The following KCNIP4 variants were observed in gnomAD, a reference collection of about 807,000 sequenced individuals.
KCNIP4 encodes potassium voltage-gated channel interacting protein 4, also known as Kv channel-interacting protein 4.
A neutral mutation model predicts 34.0 loss-of-function variants in KCNIP4; 12 were observed. The observed-to-expected ratio is 0.35, with a 90% CI of 0.23 to 0.57. KCNIP4 has a LOEUF of 0.57. KCNIP4 is among the 20% of genes least tolerant of loss of function. The probability of loss-of-function intolerance (pLI) is 0.83; values close to 1 mark genes in which losing one functional copy is unlikely to be tolerated. For missense variants in KCNIP4, 238 were observed against 311.7 expected (o/e 0.76, Z 1.78); for synonymous variants, 124 against 102.2 (o/e 1.21, Z -1.29).
chr4:21,618,630 C>CTTTTTTTTT (rs58967707), intron 1 of KCNIP4, among the ~76,000 whole-genome samples: 6 of 81,782 alleles, frequency 7.3e-5, no homozygotes, highest in Non-Finnish European at 9.0e-5. Context: ...TTTTCTTTTT[C>CTTTTTTTTT]TTTTTTTTTT....
chr4:21,611,353 C>T (rs940010576), intron 1 of KCNIP4, among the ~76,000 whole-genome samples: 2 of 151,918 alleles, frequency 1.3e-5, no homozygotes, highest in African/African-American at 4.8e-5. Context: ...GAGAAGAGCC[C>T]CTTATAAAAC....
intron 1 of KCNIP4, among the ~76,000 whole-genome samples, chr4:21,333,562 A>G (rs755854196): frequency 1.4e-4 from 22 of 152,034 alleles, no homozygotes; most frequent in Middle Eastern, 3.2e-3. Context: ...TTTTAATGTA[A>G]GTTCCTGAAT....
intron 1 of KCNIP4, among the ~76,000 whole-genome samples, chr4:21,507,523 C>T (rs934949362): frequency 6.6e-5 from 10 of 152,060 alleles, no homozygotes; most frequent in Admixed American, 1.3e-4. Flanking sequence ...TCCCAAAGTG[C>T]TAGAATTACA....
chr4:21,652,676 C>G (rs1401472191), intron 1 of KCNIP4, among the ~76,000 whole-genome samples: 1 of 152,112 alleles, frequency 6.6e-6, no homozygotes, highest in East Asian at 1.9e-4. Context: ...TTAAATGTAG[C>G]CTGGTACATG....
At chr4:20,951,576 C>T (rs1163385451) in intron 1 of KCNIP4, among the ~76,000 whole-genome samples, 1 of 152,168 alleles carries the variant, frequency 6.6e-6, no homozygotes, top group Non-Finnish European at 1.5e-5. Context: ...TCCCCCTCCC[C>T]ACACACTCCC....
At chr4:21,540,829 A>G (rs1481862841) in intron 1 of KCNIP4, among the ~76,000 whole-genome samples, 3 of 152,068 alleles carry the variant, frequency 2.0e-5, no homozygotes, top group Non-Finnish European at 4.4e-5. Flanking sequence ...TTTTGAGGCC[A>G]CATGATCTAT....
intron 1 of KCNIP4, among the ~76,000 whole-genome samples, chr4:21,664,819 T>G (rs1414343941): frequency 6.6e-6 from 1 of 152,262 alleles, no homozygotes. Context: ...TGAAGACTTT[T>G]GTGCATTGCA....
chr4:21,329,035 T>C (rs1035954427), intron 1 of KCNIP4, among the ~76,000 whole-genome samples: 1 of 152,396 alleles, frequency 6.6e-6, no homozygotes, highest in Non-Finnish European at 1.5e-5. Context: ...AAAGTATCTT[T>C]GCCTTCTTTG....
chr4:21,897,232 A>G (rs537581018), intron 1 of KCNIP4, among the ~76,000 whole-genome samples: 2 of 149,948 alleles, frequency 1.3e-5, no homozygotes, highest in South Asian at 4.2e-4. Context: ...CTATAGAAAT[A>G]GAGATTTGAG....
Position 20,850,543 on chromosome 4 carries a change from A to T in KCNIP4, c.288T>A (p.Asn96Lys). 1 of 1,611,530 alleles carries T rather than the reference A, an allele frequency of 6.2e-7. No homozygotes were observed. The highest frequency in any genetic ancestry group is 8.5e-7 in the Non-Finnish European group (1 of 1,179,040). The change falls in exon 3 of 9, where the codon AAT becomes AAA. Residue 96 changes from asparagine to lysine, a missense_variant and splice_region_variant. Physicochemically the swap from Asn to Lys is moderately conservative, Grantham distance 94. Coordinates refer to ENST00000382152, the MANE Select transcript of KCNIP4 (RefSeq NM_025221.6). ...ELQILYRGFKNECPSGVVNEE... is the reference protein window; with the variant it reads ...ELQILYRGFKKECPSGVVNEE... ...GTAAAGTCAAAAAGAAAGTTCTTACATTCTTAAATCCTCTGTAAAGGATCT... is the reference window on the plus strand; with the variant it reads ...GTAAAGTCAAAAAGAAAGTTCTTACTTTCTTAAATCCTCTGTAAAGGATCT...
chr4:21,147,955 A>AAG (rs1371208442), intron 1 of KCNIP4, among the ~76,000 whole-genome samples: 28 of 138,946 alleles, frequency 2.0e-4, no homozygotes, highest in African/African-American at 7.5e-4. Flanking sequence ...AAAAAAAAAA[A>AAG]AAAAAGAAAA....
intron 1 of KCNIP4, among the ~76,000 whole-genome samples, chr4:21,823,042 A>G (rs1010265057): frequency 1.3e-5 from 2 of 152,122 alleles, no homozygotes; most frequent in Non-Finnish European, 2.9e-5. Flanking sequence ...ATTTGGCCAA[A>G]GAGCTAAACT....
At chr4:21,751,591 C>T (rs1467390077) in intron 1 of KCNIP4, among the ~76,000 whole-genome samples, 2 of 152,140 alleles carry the variant, frequency 1.3e-5, no homozygotes, top group Non-Finnish European at 2.9e-5. Flanking sequence ...TATTCAGTTT[C>T]TTTTGTTTGC....
chr4:21,227,963 T>C (rs968941740), intron 1 of KCNIP4, among the ~76,000 whole-genome samples: 1 of 152,206 alleles, frequency 6.6e-6, no homozygotes, highest in Non-Finnish European at 1.5e-5. Flanking sequence ...TTCTGTCCAA[T>C]TCATTGTACA....
At chr4:21,868,825 T>A (rs1256389033) in intron 1 of KCNIP4, among the ~76,000 whole-genome samples, 1 of 152,110 alleles carries the variant, frequency 6.6e-6, no homozygotes, top group Non-Finnish European at 1.5e-5. Flanking sequence ...CTCCAGAACA[T>A]AATGCCATAA....
chr4:21,920,570 G>A (rs1355808), intron 1 of KCNIP4, among the ~76,000 whole-genome samples: 73,286 of 151,844 alleles, frequency 0.48, 19,970 homozygotes, highest in East Asian at 0.82. Flanking sequence ...CCACTATAGA[G>A]CTTATCCATG....
chr4:20,743,289 C>T (rs1206362191), intron 5 of KCNIP4, among the ~76,000 whole-genome samples: 1 of 152,036 alleles, frequency 6.6e-6, no homozygotes, highest in Non-Finnish European at 1.5e-5. Context: ...CATATGGAAC[C>T]AAAACAGAGC....
chr4:20,917,549 C>A (rs1332050836), intron 1 of KCNIP4, among the ~76,000 whole-genome samples: 2 of 152,124 alleles, frequency 1.3e-5, no homozygotes, highest in Non-Finnish European at 2.9e-5. Flanking sequence ...TTAATCATTC[C>A]ATAACCTCAA....
At chr4:21,306,826 T>C (rs1712516139) in intron 1 of KCNIP4, among the ~76,000 whole-genome samples, 1 of 152,028 alleles carries the variant, frequency 6.6e-6, no homozygotes. Flanking sequence ...AGGAACTTTT[T>C]TTTTTTTTCT....
Sources: allele counts gnomAD v4.1 joint callset (sites outside exome capture counted in the v4.1 genomes callset), GRCh38; gene constraint gnomAD v4.1.1; transcripts MANE v1.5; gene names NCBI Gene and HGNC (gene_info 2026-07-23, HGNC 2026-07-21).